Variants in HDHD5 observed in about 807,000 individuals in gnomAD.
HDHD5 encodes the protein haloacid dehalogenase-like hydrolase domain-containing 5.
A neutral mutation model predicts 35.5 loss-of-function variants in HDHD5; 34 were observed. The observed-to-expected ratio is 0.96, with a 90% confidence interval of 0.73 to 1.28. The LOEUF (loss-of-function observed/expected upper bound fraction) is 1.28. Among genes scored for constraint, HDHD5 ranks in the 50% most tolerant of loss-of-function variants. The pLI, the probability that HDHD5 is intolerant of heterozygous loss-of-function variation, is 0.00. For synonymous variants in HDHD5, 248 were observed against 240.6 expected (o/e 1.03, Z -0.29); for missense variants, 589 against 560.2 (o/e 1.05, Z -0.52).
intron 4 of HDHD5, 25 bp downstream of exon 4, chr22:17,144,999 C>G (rs779821303): frequency 1.2e-6 from 2 of 1,613,078 alleles, no homozygotes; most frequent in Non-Finnish European, 1.7e-6. Context: ...GATGAAGACA[C>G]AGCCCAACCC....
At chr22:17,143,842 C>CT (rs1362991858) in intron 4 of HDHD5, among the ~76,000 whole-genome samples, 2 of 152,236 alleles carry the variant, frequency 1.3e-5, no homozygotes, top group Non-Finnish European at 2.9e-5. Context: ...TGAGAATGGT[C>CT]TGACTCAAGA....
At chr22:17,148,592 AG>A (rs757391074) in intron 2 of HDHD5, 32 bp from the exon 3 acceptor site, 4 of 1,503,860 alleles carry the variant, frequency 2.7e-6, no homozygotes, top group Non-Finnish European at 3.7e-6. Context: ...GGGAGGGCAG[AG>A]GAAGACAGAA....
Position 17,149,679 on chromosome 22 carries a change from G to C in HDHD5, c.193C>G (p.Pro65Ala), listed in dbSNP as rs545273109. The change falls in exon 2 of 8, where the codon CCT becomes GCT. Residue 65 changes from proline (P) to alanine (A), a missense_variant. Coordinates refer to ENST00000336737, the MANE Select transcript of HDHD5 (RefSeq NM_033070.3). ...CTTCGGAAGGCTTTCAGAGCAGCAG[G>C]GATCACTCTGTGGCCCCGCACAAGC... ...GVLVRGHRVI[P>A]AALKAFRRLV... 5 of 1,614,022 alleles carry C rather than the reference G, an allele frequency of 3.1e-6. No homozygotes were observed. The East Asian group carries it at 1.1e-4, about 36-fold the overall frequency.
intron 3 of HDHD5, among the ~76,000 whole-genome samples, chr22:17,147,357 G>T (rs5748907): frequency 3.8e-5 from 2 of 52,472 alleles, no homozygotes; most frequent in Non-Finnish European, 6.7e-5. Flanking sequence ...CACCTGTGGC[G>T]CACTCCTGTG....
At chr22:17,154,476 T>C (rs957445835) in intron 1 of HDHD5, among the ~76,000 whole-genome samples, 4 of 151,440 alleles carry the variant, frequency 2.6e-5, no homozygotes, top group Non-Finnish European at 5.9e-5. Flanking sequence ...GGAAACTCCA[T>C]CTCAAAAAAT....
intron 1 of HDHD5, among the ~76,000 whole-genome samples, chr22:17,151,348 C>CT (rs11416017): frequency 0.88 from 133,704 of 152,214 alleles, 58,887 homozygotes; most frequent in African/African-American, 0.93. Flanking sequence ...TGCTATTTTT[C>CT]TTTGTTGGTG....
chr22:17,160,751 A>G (rs2123885061), upstream of HDHD5, among the ~76,000 whole-genome samples: 1 of 152,304 alleles, frequency 6.6e-6, no homozygotes, highest in Middle Eastern at 3.4e-3. Context: ...CAGTTCAACT[A>G]CAGCTAATCA....
upstream of HDHD5, chr22:17,159,803 A>C (rs761663210): frequency 1.8e-5 from 5 of 282,612 alleles, no homozygotes; most frequent in Non-Finnish European, 3.4e-5. Flanking sequence ...CCCCGCGCGC[A>C]CTGCGGAGAG....
upstream of HDHD5, chr22:17,159,548 C>A (rs1469930852): frequency 2.4e-5 from 11 of 450,674 alleles, no homozygotes; most frequent in Non-Finnish European, 4.4e-5. Flanking sequence ...GCCTGCGGAT[C>A]CCGGTAACAT....
upstream of HDHD5, chr22:17,159,301 G>A (rs2061843009): frequency 2.2e-6 from 2 of 890,284 alleles, no homozygotes; most frequent in Non-Finnish European, 2.7e-6. Flanking sequence ...CCCCCCCCGC[G>A]AGTCCGTCCG....
chr22:17,149,723 A>G lies in HDHD5; in HGVS notation c.149T>C (p.Leu50Pro). ...CACAAGCACTCCATCGATGTCCAAC[A>G]GGAACCCAAAGGTGGGTGGGCTCTG... ...PAQSPPTFGF[L>P]LDIDGVLVRG... The change falls in exon 2 of 8, where the codon CTG becomes CCG. Residue 50 changes from leucine to proline, a missense_variant. Coordinates refer to ENST00000336737, the MANE Select transcript of HDHD5 (RefSeq NM_033070.3). 1 of 1,614,124 alleles carries G rather than the reference A, an allele frequency of 6.2e-7. No homozygotes were observed. The highest frequency in any genetic ancestry group is 8.5e-7 in the Non-Finnish European group (1 of 1,180,034).
At chr22:17,149,834 C>A in intron 1 of HDHD5, 89 bp from the exon 2 acceptor site, 1 of 1,136,716 alleles carries the variant, frequency 8.8e-7, no homozygotes, top group South Asian at 1.5e-5. Context: ...TCGGGTCACT[C>A]ATGTCCCTTG....
intron 1 of HDHD5, among the ~76,000 whole-genome samples, chr22:17,164,889 G>T (rs2061882364): frequency 6.6e-6 from 1 of 152,236 alleles, no homozygotes; most frequent in Admixed American, 6.5e-5. Context: ...TACAGGAATG[G>T]CAGGGAAGCT....
At chr22:17,156,388 G>A (rs561309226) in intron 1 of HDHD5, among the ~76,000 whole-genome samples, 6 of 152,292 alleles carry the variant, frequency 3.9e-5, no homozygotes, top group East Asian at 3.9e-4. Context: ...CAAGGCGGGC[G>A]TATCATGAGG....
chr22:17,144,744 TCTCA>T (rs1303216277), intron 4 of HDHD5, among the ~76,000 whole-genome samples: 4 of 151,736 alleles, frequency 2.6e-5, no homozygotes, highest in Non-Finnish European at 4.4e-5. Context: ...AGAGACGGGG[TCTCA>T]CTATGTTGCC....
chr22:17,140,228 G>A (rs768495154), intron 6 of HDHD5, among the ~76,000 whole-genome samples: 6 of 152,126 alleles, frequency 3.9e-5, no homozygotes, highest in Admixed American at 2.0e-4. Flanking sequence ...AACAGCAACC[G>A]AACAGTACAC....
At chr22:17,150,522 CT>C (rs3053235) in intron 1 of HDHD5, among the ~76,000 whole-genome samples, 169 of 141,868 alleles carry the variant, frequency 1.2e-3, no homozygotes, top group Middle Eastern at 3.7e-3. Flanking sequence ...TCTTGGCTGT[CT>C]TTTTTTTTTT....
chr22:17,152,222 C>G (rs1475230548), intron 1 of HDHD5, among the ~76,000 whole-genome samples: 2 of 152,114 alleles, frequency 1.3e-5, no homozygotes, highest in East Asian at 3.8e-4. Context: ...ATCATCAGAC[C>G]TGAACTATAG....
chr22:17,147,706 C>T (rs2061680733), intron 3 of HDHD5, among the ~76,000 whole-genome samples: 2 of 148,630 alleles, frequency 1.3e-5, no homozygotes. Context: ...TGCCATCGCA[C>T]ACGCTCCACA....
Sources: allele counts gnomAD v4.1 joint callset (sites outside exome capture counted in the v4.1 genomes callset), GRCh38; gene constraint gnomAD v4.1.1; transcripts MANE v1.5; gene names NCBI Gene and HGNC (gene_info 2026-07-23, HGNC 2026-07-21).